The following TATDN3 variants were observed in gnomAD, a reference collection of about 807,000 sequenced individuals.
The protein encoded by TATDN3 is deoxyribonuclease TATDN3.
Under a neutral mutation model 40.1 loss-of-function variants are expected in TATDN3, and 29 were observed. The ratio of observed to expected loss-of-function variants is 0.72; its 90% CI spans 0.54 to 0.99. The LOEUF (loss-of-function observed/expected upper bound fraction) is 0.99, where lower values mean the gene tolerates loss of function less well. Ranked by LOEUF, TATDN3 falls within the 50% of genes least tolerant of loss-of-function variation. The probability of loss-of-function intolerance (pLI) is 0.00; values close to 1 mark genes in which losing one functional copy is unlikely to be tolerated. For missense variants in TATDN3, 309 were observed against 321.9 expected, an observed-to-expected ratio of 0.96 and a Z score of 0.31; for synonymous variants, 105 against 117.0, an observed-to-expected ratio of 0.90 and a Z score of 0.66.
Position 212,815,437 on chromosome 1 carries a change from C to T in TATDN3, c.*281C>T. On this transcript the variant is annotated 3_prime_UTR_variant, in exon 10 of 10. Transcript: ENST00000366974. Reference sequence around the variant, plus strand: ...ATTGCCCTTTTATATAGAACCACCACCTGAACTGAAACCATTGCTACTGGG... The same window carrying T: ...ATTGCCCTTTTATATAGAACCACCATCTGAACTGAAACCATTGCTACTGGG... The T allele has an allele frequency of 3.6e-6, 1 of 279,902 alleles. No homozygotes were observed. Among genetic ancestry groups the T allele is most frequent in the Non-Finnish European group, 6.7e-6 (1 of 149,076 alleles). The allele number at this position is 279,902 out of a possible 1,614,324, so 17.3% of individuals were successfully genotyped here.
chr1:212,805,736 A>C lies in TATDN3; in HGVS notation c.487+1085A>C, dbSNP rs561160271. On this transcript the variant is annotated intron_variant, in intron 7 of 9. Coordinates refer to ENST00000366974, the MANE Select transcript of TATDN3 (RefSeq NM_001042552.3). ...CAGATTTTGGCCATCATACATACAC[A>C]CTCTCTTCTTTGCCAGTTGTTCCTA... 3.3e-5 allele frequency among the ~76,000 whole-genome samples: 5 copies of C among 151,872 alleles called. No homozygotes were observed. The East Asian group carries it at 9.7e-4, about 29-fold the overall frequency.
At chr1:212,806,747 C>CCAT (rs1558083475) in intron 7 of TATDN3, among the ~76,000 whole-genome samples, 2,789 of 43,960 alleles carry the variant, frequency 0.063, 545 homozygotes, top group Non-Finnish European at 0.089. Context: ...TCTCTCTCTC[C>CCAT]ATATATATAT....
In TATDN3 at chr1:212,804,332, T is replaced by G. The variant is rs1176451233; in HGVS notation, c.334T>G (p.Phe112Val). The G allele has an allele frequency of 1.9e-6, 3 of 1,613,666 alleles. No homozygotes were observed. The highest frequency in any genetic ancestry group is 2.5e-6 in the Non-Finnish European group (3 of 1,179,728). Residue 112 changes from phenylalanine to valine, a missense_variant, in exon 6 of 10, where the codon TTC becomes GTC. Physicochemically the swap from Phe to Val is conservative, Grantham distance 50 (BLOSUM62 -1). Transcript: ENST00000366974. ...LLAIGEVGLD[F>V]SPRFAGTGEQ... ...TTTTCTGCTCTAGGTTGGACTAGAT[T>G]TCTCCCCCAGATTTGCTGGCACTGG...
chr1:212,799,501 C>T (rs1326065455), intron 4 of TATDN3, among the ~76,000 whole-genome samples: 1 of 151,488 alleles, frequency 6.6e-6, no homozygotes, highest in Non-Finnish European at 1.5e-5. Context: ...GGTTAACTTA[C>T]CAAAGTAATT....
At chr1:212,804,774 G>T in intron 7 of TATDN3, 123 bp downstream of exon 7, 1 of 765,914 alleles carries the variant, frequency 1.3e-6, no homozygotes, top group Non-Finnish European at 2.2e-6. Context: ...AAGGGGGGCA[G>T]AAATCATCTA....
intron 1 of TATDN3, among the ~76,000 whole-genome samples, chr1:212,792,427 A>G (rs1189187436): frequency 6.7e-6 from 1 of 149,366 alleles, no homozygotes; most frequent in African/African-American, 2.5e-5. Flanking sequence ...TCCTGTGTCC[A>G]GGAGATCGTG....
At chr1:212,801,880 TTCTC>T (rs757011464) in intron 4 of TATDN3, among the ~76,000 whole-genome samples, 3 of 152,104 alleles carry the variant, frequency 2.0e-5, no homozygotes, top group Non-Finnish European at 2.9e-5. Context: ...TTCATCTTTG[TTCTC>T]TCTCTCTCAT....
chr1:212,815,235 C>T lies in TATDN3; in HGVS notation c.*79C>T. 1 of 1,482,282 alleles carries T rather than the reference C, an allele frequency of 6.7e-7. No homozygotes were observed. The highest frequency in any genetic ancestry group is 9.0e-7 in the Non-Finnish European group (1 of 1,107,858). The allele number at this position is 1,482,282 out of a possible 1,614,324, so 91.8% of individuals were successfully genotyped here. A position where few individuals can be genotyped will look rare whatever the true frequency, so the allele number is the denominator to read the frequency against. On this transcript the variant is annotated 3_prime_UTR_variant, in exon 10 of 10. Transcript: ENST00000366974. ...AAATAGAAATGTTCTGATGAAGAAT[C>T]TGAACTGAAGAAGCTGTTTTATAGG... is the stretch of plus-strand genomic sequence containing the variant.
intron 1 of TATDN3, among the ~76,000 whole-genome samples, chr1:212,794,198 G>GTGAACCCGGGAGGCGGAGCT (rs1661565138): frequency 6.6e-6 from 1 of 151,560 alleles, no homozygotes; most frequent in Non-Finnish European, 1.5e-5. Flanking sequence ...GGAGAATGGT[G>GTGAACCCGGGAGGCGGAGCT]TGAACCCGGG....
chr1:212,815,458 C>G lies in TATDN3; in HGVS notation c.*302C>G, dbSNP rs1663131242. 4.0e-6 allele frequency: 1 copy of G among 246,948 alleles called. No homozygotes were observed. The highest frequency in any genetic ancestry group is 2.3e-5 in the African/African-American group (1 of 44,062). The allele number at this position is 246,948 out of a possible 1,614,324, so 15.3% of individuals were successfully genotyped here. A position where few individuals can be genotyped will look rare whatever the true frequency, so the allele number is the denominator to read the frequency against. The stretch of plus-strand genomic sequence containing the variant: ...ACCACCTGAACTGAAACCATTGCTA[C>G]TGGGAAGGGTGGCTCCCACAGGAAG... On this transcript the variant is annotated 3_prime_UTR_variant, in exon 10 of 10. Coordinates refer to ENST00000366974, the MANE Select transcript of TATDN3 (RefSeq NM_001042552.3).
At chr1:212,802,832 T>C in intron 5 of TATDN3, 69 bp downstream of exon 5, 1 of 1,088,402 alleles carries the variant, frequency 9.2e-7, no homozygotes, top group African/African-American at 1.6e-5. Flanking sequence ...AAATAATCTT[T>C]AGTTCAGTAT....
intron 1 of TATDN3, 105 bp downstream of exon 1, chr1:212,792,092 C>G (rs879037131): frequency 8.7e-7 from 1 of 1,149,058 alleles, no homozygotes. Context: ...ATATCCCCCG[C>G]CCAGACCCTT....
At chr1:212,793,202 T>A (rs1222278444) in intron 1 of TATDN3, among the ~76,000 whole-genome samples, 2 of 152,186 alleles carry the variant, frequency 1.3e-5, no homozygotes, top group African/African-American at 2.4e-5. Context: ...AGGGCTTTTT[T>A]AAAATTTATT....
rs139634711 is a variant in TATDN3 at position 212,802,039 on chromosome 1, T to C, written c.259-662T>C. On this transcript the variant is annotated intron_variant, in intron 4 of 9. Coordinates refer to ENST00000366974, the MANE Select transcript of TATDN3 (RefSeq NM_001042552.3). ...TTTGCAATGTAGTCTAAAAGGTATC[T>C]AGAAGCAATTTTCCATATATTTATT... Among the ~76,000 whole-genome samples the C allele has an allele frequency of 2.2e-3, 336 of 152,324 alleles. 1 individual carries two copies. The highest frequency in any genetic ancestry group is 7.6e-3 in the African/African-American group (314 of 41,576).
intron 2 of TATDN3, among the ~76,000 whole-genome samples, chr1:212,795,490 T>C (rs140753299): frequency 0.023 from 3,465 of 152,168 alleles, 63 homozygotes; most frequent in South Asian, 0.042. Flanking sequence ...AGGCTGGTCT[T>C]GAACTCCTGA....
At position 212,795,111 on chromosome 1, in the gene TATDN3, T is replaced by C. The variant is rs1661654218; in HGVS notation, c.83T>C (p.Leu28Ser). 3 of 1,612,572 alleles carry C rather than the reference T, an allele frequency of 1.9e-6. No homozygotes were observed. Among genetic ancestry groups the C allele is most frequent in the Non-Finnish European group, 8.5e-7 (1 of 1,179,122 alleles). The change falls in exon 2 of 10, where the codon TTG becomes TCG. Residue 28 changes from leucine (L) to serine (S), a missense_variant. Leu to Ser is a moderately radical substitution (Grantham distance 145). Transcript: ENST00000366974. ...PDFDRDLDDV[L>S]EKAKKANVVA... ...TTGTTTTAGGATTTGGATGATGTGT[T>C]GGAGAAAGCCAAGAAGGTAAGTCAA...
chr1:212,805,782 G>GCATTATTTT lies in TATDN3; in HGVS notation c.487+1132_487+1140dup, dbSNP rs1199306622. On this transcript the variant is annotated intron_variant, in intron 7 of 9. Coordinates refer to ENST00000366974, the MANE Select transcript of TATDN3 (RefSeq NM_001042552.3). ...TCCTAAAGTAAAATTACATCTTATG[G>GCATTATTTT]CATTATTTTTCAATATTTTAAAGGT... 2.0e-5 allele frequency among the ~76,000 whole-genome samples: 3 copies of GCATTATTTT among 152,124 alleles called. No homozygotes were observed. The South Asian group carries it at 6.2e-4, about 32-fold the overall frequency.
rs1316999840 is a variant in TATDN3 at position 212,815,330 on chromosome 1, C to G, written c.*174C>G. 6.8e-6 allele frequency: 5 copies of G among 731,118 alleles called. No individual in the cohort carries two copies. The African/African-American group carries it at 9.2e-5, about 13-fold the overall frequency. 45.3% of individuals were successfully genotyped at this position (731,118 alleles called of 1,614,324 possible). On this transcript the variant is annotated 3_prime_UTR_variant, in exon 10 of 10. Transcript: ENST00000366974. ...AAAACTGGGCTTGGATCCTGAAACC[C>G]TGGGTTCTGATTCTAGCCTTGTGCT...
chr1:212,797,616 G>A (rs2102437268), intron 4 of TATDN3: 1 of 153,866 alleles, frequency 6.5e-6, no homozygotes, highest in East Asian at 1.9e-4. Flanking sequence ...GTGATGATCT[G>A]TTAGAATTAT....
Sources: allele counts gnomAD v4.1 joint callset (sites outside exome capture counted in the v4.1 genomes callset), GRCh38; gene constraint gnomAD v4.1.1; transcripts MANE v1.5; gene names NCBI Gene and HGNC (gene_info 2026-07-23, HGNC 2026-07-21).